MAJIN: variants seen among roughly 807,000 people sequenced by gnomAD.
MAJIN encodes the protein membrane-anchored junction protein.
MAJIN carries 27 observed loss-of-function variants against 30.2 expected under a neutral mutation model. The observed-to-expected ratio is 0.89, with a 90% CI of 0.66 to 1.23. MAJIN has a LOEUF of 1.23. MAJIN is among the 50% of genes most tolerant of loss of function. The pLI, the probability that MAJIN is intolerant of heterozygous loss-of-function variation, is 0.00. For synonymous variants in MAJIN, 78 were observed against 91.6 expected (o/e 0.85, Z 0.85); for missense variants, 253 against 260.3 (o/e 0.97, Z 0.19).
intron 10 of MAJIN, among the ~76,000 whole-genome samples, chr11:64,939,312 C>G (rs1042052775): frequency 6.6e-6 from 1 of 152,134 alleles, no homozygotes; most frequent in South Asian, 2.1e-4. Flanking sequence ...GTTGGCCAGG[C>G]TGGTCTTGAA....
In MAJIN at chr11:64,961,467, AT is replaced by A. The variant is rs36053356; in HGVS notation, c.-64-1333del. On this transcript the variant is annotated intron_variant, in intron 1 of 10. Coordinates refer to ENST00000301896, the MANE Select transcript of MAJIN (RefSeq NM_001037225.3). ...CAGGCATGACCCACTGTGCCCGGCA[AT>A]TTTTTTTTTTTTTTTTTTTTTTTTT... is the stretch of plus-strand genomic sequence containing the variant. 4.8e-3 allele frequency among the ~76,000 whole-genome samples: 284 copies of A among 59,172 alleles called. 2 individuals carry two copies. The highest frequency in any genetic ancestry group is 0.017 in the South Asian group (24 of 1,418). The allele number at this position is 59,172 out of a possible 152,430, so 38.8% of individuals were successfully genotyped here.
At chr11:64,971,092 C>T (rs1036875452) in intron 1 of MAJIN, among the ~76,000 whole-genome samples, 3 of 151,922 alleles carry the variant, frequency 2.0e-5, no homozygotes, top group African/African-American at 7.3e-5. Flanking sequence ...ATCAGGAGTT[C>T]GAGATCAGTC....
chr11:64,969,051 C>T (rs1048092213), intron 1 of MAJIN, among the ~76,000 whole-genome samples: 33 of 152,094 alleles, frequency 2.2e-4, no homozygotes, highest in African/African-American at 7.7e-4. Flanking sequence ...GACTAACTAA[C>T]GGACTAGATG....
chr11:64,965,486 T>C (rs1388441859), intron 1 of MAJIN, among the ~76,000 whole-genome samples: 1 of 152,172 alleles, frequency 6.6e-6, no homozygotes, highest in Non-Finnish European at 1.5e-5. Flanking sequence ...AAGTTACTCT[T>C]TGCACAAAAA....
chr11:64,967,367 T>C (rs762266950), intron 1 of MAJIN, among the ~76,000 whole-genome samples: 2 of 151,388 alleles, frequency 1.3e-5, no homozygotes, highest in Non-Finnish European at 1.5e-5. Flanking sequence ...GATGATACCA[T>C]TGCACTCCAG....
chr11:64,954,857 A>C (rs1945607775), intron 3 of MAJIN, 55 bp from the exon 4 acceptor site: 1 of 1,496,400 alleles, frequency 6.7e-7, no homozygotes, highest in African/African-American at 1.4e-5. Context: ...CTCTGGAGAG[A>C]GTAGACTCTA....
chr11:64,945,302 G>A (rs888272274), intron 8 of MAJIN, among the ~76,000 whole-genome samples: 9 of 151,938 alleles, frequency 5.9e-5, no homozygotes, highest in African/African-American at 2.2e-4. Flanking sequence ...AGCTTGCAGT[G>A]AGCCGAGATC....
At chr11:64,954,703 TG>T in intron 4 of MAJIN, 53 bp downstream of exon 4, 18 of 1,547,042 alleles carry the variant, frequency 1.2e-5, no homozygotes, top group Non-Finnish European at 1.6e-5. Flanking sequence ...AACCTGAATG[TG>T]GATGCATCCT....
At chr11:64,965,566 G>C (rs1016039576) in intron 1 of MAJIN, among the ~76,000 whole-genome samples, 1 of 152,128 alleles carries the variant, frequency 6.6e-6, no homozygotes, top group Non-Finnish European at 1.5e-5. Context: ...AAAGGTCCAG[G>C]ATGTGCTCCT....
At chr11:64,966,892 C>G (rs1945819093) in intron 1 of MAJIN, among the ~76,000 whole-genome samples, 1 of 149,560 alleles carries the variant, frequency 6.7e-6, no homozygotes, top group African/African-American at 2.5e-5. Context: ...TGAGAACACA[C>G]CATTGCACTC....
intron 4 of MAJIN, among the ~76,000 whole-genome samples, chr11:64,952,325 T>A (rs759078657): frequency 6.6e-6 from 1 of 151,704 alleles, no homozygotes; most frequent in Admixed American, 6.6e-5. Context: ...GTAGCTGGGA[T>A]TACAGGTGCC....
intron 3 of MAJIN, among the ~76,000 whole-genome samples, chr11:64,957,319 A>G (rs1945651820): frequency 6.6e-6 from 1 of 151,996 alleles, no homozygotes; most frequent in African/African-American, 2.4e-5. Context: ...CGCTCAAGCA[A>G]TCCTCCCACT....
At chr11:64,952,622 G>T (rs1407598849) in intron 4 of MAJIN, among the ~76,000 whole-genome samples, 1 of 152,200 alleles carries the variant, frequency 6.6e-6, no homozygotes, top group African/African-American at 2.4e-5. Flanking sequence ...ACTAGAAATA[G>T]CAGGGCCAAG....
chr11:64,939,829 A>G, intron 9 of MAJIN, 62 bp from the exon 10 acceptor site: 1 of 1,474,992 alleles, frequency 6.8e-7, no homozygotes, highest in Non-Finnish European at 9.4e-7. Context: ...TCATGTGAGT[A>G]GAAGGCCAAA....
chr11:64,940,835 C>CTTTTTTTT (rs1168979344), intron 8 of MAJIN, among the ~76,000 whole-genome samples, 189 bp from the exon 9 acceptor site: 86 of 88,552 alleles, frequency 9.7e-4, no homozygotes, highest in East Asian at 3.6e-3. Context: ...TTTTTTCTTT[C>CTTTTTTTT]TTTTTTTTTT....
At chr11:64,953,468 G>C (rs1945585646) in intron 4 of MAJIN, among the ~76,000 whole-genome samples, 2 of 152,130 alleles carry the variant, frequency 1.3e-5, no homozygotes. Flanking sequence ...CTGAAGCAAA[G>C]TGAAATAAAG....
At chr11:64,947,606 C>A in intron 7 of MAJIN, 141 bp from the exon 8 acceptor site, 1 of 1,037,754 alleles carries the variant, frequency 9.6e-7, no homozygotes, top group South Asian at 1.4e-5. Context: ...AATAGACATT[C>A]TGTTAGAGAC....
At position 64,959,358 on chromosome 11, in the gene MAJIN, A is replaced by C. The variant is rs754455939; in HGVS notation, c.48T>G (p.Leu16=). 1.9e-6 allele frequency: 3 copies of C among 1,613,996 alleles called. No individual in the cohort carries two copies. Among genetic ancestry groups the C allele is most frequent in the Non-Finnish European group, 2.5e-6 (3 of 1,180,000 alleles). ...ATTTATACACATTGGGTCCTGCATGAAGAAACCTCGTCTCTGGAAACGGGT... is the reference window on the plus strand; with the variant it reads ...ATTTATACACATTGGGTCCTGCATGCAGAAACCTCGTCTCTGGAAACGGGT... ...FTYPFPETRF[L]HAGPNVYKFK... is the part of the protein sequence containing the mutation. The change falls in exon 3 of 11, where the codon CTT becomes CTG. Residue 16 remains leucine (L), a synonymous_variant. Transcript: ENST00000301896.
intron 1 of MAJIN, among the ~76,000 whole-genome samples, chr11:64,970,003 T>C (rs187687067): frequency 6.6e-6 from 1 of 152,220 alleles, no homozygotes; most frequent in Admixed American, 6.5e-5. Context: ...AGAGAGATTC[T>C]AGATAAGACT....
Sources: allele counts gnomAD v4.1 joint callset (sites outside exome capture counted in the v4.1 genomes callset), GRCh38; gene constraint gnomAD v4.1.1; transcripts MANE v1.5; gene names NCBI Gene and HGNC (gene_info 2026-07-23, HGNC 2026-07-21).